MYRIP: variants seen among roughly 807,000 people sequenced by gnomAD.
The protein encoded by MYRIP is myosin VIIA and Rab interacting protein.
A neutral mutation model predicts 98.0 loss-of-function variants in MYRIP; 49 were observed. The observed-to-expected ratio is 0.50, with a 90% CI of 0.40 to 0.63. MYRIP has a LOEUF of 0.63. MYRIP is among the 30% of genes least tolerant of loss of function. The probability of loss-of-function intolerance (pLI) is 0.00; values close to 1 mark genes in which losing one functional copy is unlikely to be tolerated. For synonymous variants in MYRIP, 404 were observed against 409.5 expected (o/e 0.99, Z 0.16); for missense variants, 1,004 against 1,058.2 (o/e 0.95, Z 0.71).
At chr3:40,076,452 C>G (rs1235867951) in intron 3 of MYRIP, among the ~76,000 whole-genome samples, 1 of 152,202 alleles carries the variant, frequency 6.6e-6, no homozygotes. Flanking sequence ...CAAACCATAT[C>G]AATTAAGTCA....
intron 3 of MYRIP, among the ~76,000 whole-genome samples, chr3:40,145,797 G>A (rs1157309932): frequency 6.6e-6 from 1 of 152,224 alleles, no homozygotes; most frequent in East Asian, 1.9e-4. Flanking sequence ...TTGGAGATCA[G>A]TTACATAAAG....
At chr3:39,967,869 A>C (rs1945479085) in intron 2 of MYRIP, among the ~76,000 whole-genome samples, 1 of 152,130 alleles carries the variant, frequency 6.6e-6, no homozygotes, top group South Asian at 2.1e-4. Flanking sequence ...CTTGTTGGCC[A>C]CACGTTATGT....
intron 2 of MYRIP, among the ~76,000 whole-genome samples, chr3:39,950,524 T>C (rs1944985223): frequency 6.6e-6 from 1 of 152,216 alleles, no homozygotes; most frequent in Admixed American, 6.5e-5. Flanking sequence ...AGATGATTGC[T>C]TTCTCTAAAG....
At chr3:40,013,852 T>C (rs1946809627) in intron 2 of MYRIP, among the ~76,000 whole-genome samples, 1 of 152,238 alleles carries the variant, frequency 6.6e-6, no homozygotes. Flanking sequence ...TGAGAGCCAG[T>C]GAGCAGCTTA....
At chr3:40,127,443 T>G (rs1302257667) in intron 3 of MYRIP, among the ~76,000 whole-genome samples, 1 of 152,228 alleles carries the variant, frequency 6.6e-6, no homozygotes, top group East Asian at 1.9e-4. Context: ...TGCAAACTGG[T>G]CCCAGATGTA....
chr3:39,886,213 G>A (rs1005720802), intron 1 of MYRIP, among the ~76,000 whole-genome samples: 24 of 151,764 alleles, frequency 1.6e-4, no homozygotes, highest in African/African-American at 4.3e-4. Context: ...AGGAACAACC[G>A]GTACCAGCCA....
chr3:40,007,124 C>G lies in MYRIP; in HGVS notation c.111-36926C>G, dbSNP rs543234096. ...ATTGGTTTAGTCTTTGGAGAAGTAA[C>G]TTATATTGGTTTAGTCATCAGTGTC... On this transcript the variant is annotated intron_variant, in intron 2 of 16. Transcript: ENST00000302541. 2.0e-5 allele frequency among the ~76,000 whole-genome samples: 3 copies of G among 152,264 alleles called. No homozygotes were observed. The South Asian group carries it at 6.2e-4, about 32-fold the overall frequency.
chr3:39,995,621 T>C (rs1946327731), intron 2 of MYRIP, among the ~76,000 whole-genome samples: 1 of 152,128 alleles, frequency 6.6e-6, no homozygotes, highest in South Asian at 2.1e-4. Flanking sequence ...TGCAGGATAT[T>C]ATACAGAAGA....
intron 13 of MYRIP, 23 bp from the exon 14 acceptor site, chr3:40,250,199 T>C: frequency 6.4e-7 from 1 of 1,565,648 alleles, no homozygotes; most frequent in African/African-American, 1.4e-5. Flanking sequence ...TCCCTGCCAA[T>C]CTTGTCTTTC....
intron 1 of MYRIP, among the ~76,000 whole-genome samples, chr3:39,839,581 T>G (rs1327075688): frequency 1.3e-5 from 2 of 152,160 alleles, no homozygotes; most frequent in African/African-American, 4.8e-5. Context: ...ATTGTGATGT[T>G]AGGATGTCAA....
At chr3:40,122,096 AT>A (rs1465515880) in intron 3 of MYRIP, among the ~76,000 whole-genome samples, 3 of 152,152 alleles carry the variant, frequency 2.0e-5, no homozygotes. Flanking sequence ...CATCAATAAT[AT>A]TTTCAAAATT....
At position 39,824,953 on chromosome 3, in the gene MYRIP, A is replaced by G. The variant is rs556536627; in HGVS notation, c.-31+15037A>G. Among the ~76,000 whole-genome samples the G allele has an allele frequency of 1.3e-3, 198 of 152,276 alleles. 2 individuals carry two copies. The highest frequency in any genetic ancestry group is 2.0e-3 in the Non-Finnish European group (139 of 68,004). ...GGCTAGTCTCAAACTCCTGGCCTCA[A>G]GTGATCCTTCCACCTTGTATTTCCA... On this transcript the variant is annotated intron_variant, in intron 1 of 16. Transcript: ENST00000302541.
intron 2 of MYRIP, among the ~76,000 whole-genome samples, chr3:40,014,506 C>A (rs942642629): frequency 4.6e-5 from 7 of 152,120 alleles, no homozygotes; most frequent in Admixed American, 3.9e-4. Context: ...GTGGGAAGAA[C>A]CTGGGCCCTG....
At position 39,920,114 on chromosome 3, in the gene MYRIP, A is replaced by T. The variant is rs181781626; in HGVS notation, c.110+19188A>T. On this transcript the variant is annotated intron_variant, in intron 2 of 16. Coordinates refer to ENST00000302541, the MANE Select transcript of MYRIP (RefSeq NM_015460.4). ...ATGTTCCTTTGACTATGAAAAAAAAATAAAAAATAAAATGAAAGCTCTTTG... is the reference window on the plus strand; with the variant it reads ...ATGTTCCTTTGACTATGAAAAAAAATTAAAAAATAAAATGAAAGCTCTTTG... Among the ~76,000 whole-genome samples the T allele has an allele frequency of 6.3e-3, 960 of 152,312 alleles. 4 individuals carry two copies. The highest frequency in any genetic ancestry group is 0.021 in the African/African-American group (870 of 41,554).
At chr3:39,985,544 C>G (rs1946011304) in intron 2 of MYRIP, among the ~76,000 whole-genome samples, 1 of 137,566 alleles carries the variant, frequency 7.3e-6, no homozygotes, top group Non-Finnish European at 1.5e-5. Context: ...ATCACGCTAC[C>G]TGACTTCAAA....
chr3:40,124,775 A>G (rs1413229347), intron 3 of MYRIP, among the ~76,000 whole-genome samples: 1 of 152,226 alleles, frequency 6.6e-6, no homozygotes, highest in African/African-American at 2.4e-5. Flanking sequence ...AAGGGCAGCT[A>G]GGATCTGCAC....
intron 1 of MYRIP, among the ~76,000 whole-genome samples, chr3:39,818,470 G>T (rs945188118): frequency 6.6e-6 from 1 of 152,094 alleles, no homozygotes; most frequent in East Asian, 1.9e-4. Flanking sequence ...ATCCATGGAG[G>T]TTGTTTTTTA....
chr3:39,833,125 C>T (rs1484670623), intron 1 of MYRIP, among the ~76,000 whole-genome samples: 7 of 152,088 alleles, frequency 4.6e-5, no homozygotes, highest in Non-Finnish European at 2.9e-5. Context: ...AAAAAAGAAG[C>T]ATGCTTCTGT....
At chr3:39,962,407 T>C (rs17183401) in intron 2 of MYRIP, among the ~76,000 whole-genome samples, 38,772 of 151,414 alleles carry the variant, frequency 0.26, 5,424 homozygotes, top group Middle Eastern at 0.32. Flanking sequence ...AATTTGGAGA[T>C]GGATAAGGAC....
Sources: allele counts gnomAD v4.1 joint callset (sites outside exome capture counted in the v4.1 genomes callset), GRCh38; gene constraint gnomAD v4.1.1; transcripts MANE v1.5; gene names NCBI Gene and HGNC (gene_info 2026-07-23, HGNC 2026-07-21).